Variants in CNTN4 observed in about 807,000 individuals in gnomAD.
CNTN4 encodes the protein contactin-4.
Under a neutral mutation model 122.5 loss-of-function variants are expected in CNTN4, and 77 were observed. That is an observed-to-expected ratio of 0.63 (90% CI 0.52 to 0.76). The LOEUF (loss-of-function observed/expected upper bound fraction) is 0.76, where lower values mean the gene tolerates loss of function less well. Among genes scored for constraint, CNTN4 ranks in the 30% least tolerant of loss-of-function variants. The pLI is 0.00. For synonymous variants in CNTN4, 512 were observed against 447.0 expected, an observed-to-expected ratio of 1.15 and a Z score of -1.83; for missense variants, 1,256 against 1,259.1, an observed-to-expected ratio of 1.00 and a Z score of 0.04.
At chr3:2,517,232 C>T (rs373412467) in intron 3 of CNTN4, among the ~76,000 whole-genome samples, 1 of 152,058 alleles carries the variant, frequency 6.6e-6, no homozygotes, top group African/African-American at 2.4e-5. Flanking sequence ...ATTGTGACAC[C>T]GTAGTCAGTC....
intron 2 of CNTN4, among the ~76,000 whole-genome samples, chr3:2,103,860 T>G (rs1287706431): frequency 6.6e-6 from 1 of 152,218 alleles, no homozygotes; most frequent in African/African-American, 2.4e-5. Flanking sequence ...ATCTTATGTT[T>G]CCTATGTATT....
At chr3:2,533,902 T>C in intron 3 of CNTN4, among the ~76,000 whole-genome samples, 1 of 152,188 alleles carries the variant, frequency 6.6e-6, no homozygotes, top group Non-Finnish European at 1.5e-5. Context: ...GCTGCACAAA[T>C]GTCTTCTTTT....
intron 2 of CNTN4, among the ~76,000 whole-genome samples, chr3:2,179,652 A>T (rs1373321563): frequency 6.6e-6 from 1 of 151,814 alleles, no homozygotes; most frequent in Non-Finnish European, 1.5e-5. Flanking sequence ...TCACTTATTT[A>T]CACTCAGTGT....
At chr3:2,482,810 C>T (rs988039534) in intron 3 of CNTN4, among the ~76,000 whole-genome samples, 1 of 152,316 alleles carries the variant, frequency 6.6e-6, no homozygotes, top group East Asian at 1.9e-4. Flanking sequence ...GTTTGAGAAC[C>T]TCCACTTAGA....
At chr3:2,199,123 G>A (rs1332688832) in intron 2 of CNTN4, among the ~76,000 whole-genome samples, 4 of 152,142 alleles carry the variant, frequency 2.6e-5, no homozygotes, top group African/African-American at 9.7e-5. Context: ...CCCTCACTTG[G>A]CATTATTAAT....
intron 4 of CNTN4, among the ~76,000 whole-genome samples, chr3:2,673,106 G>T (rs1450931879): frequency 2.0e-5 from 3 of 152,142 alleles, no homozygotes; most frequent in Non-Finnish European, 4.4e-5. Flanking sequence ...AATATACAGG[G>T]CAGTGGTAGA....
chr3:2,193,418 C>G (rs921785261), intron 2 of CNTN4, among the ~76,000 whole-genome samples: 31 of 151,816 alleles, frequency 2.0e-4, no homozygotes, highest in Non-Finnish European at 7.4e-5. Flanking sequence ...GGCTCATCAA[C>G]TTTATTCTTC....
intron 3 of CNTN4, among the ~76,000 whole-genome samples, chr3:2,350,288 G>C (rs1685497): frequency 0.35 from 52,419 of 151,754 alleles, 9,219 homozygotes; most frequent in Admixed American, 0.4. Context: ...CCCCAGCAGT[G>C]TTCTTTAAGA....
chr3:2,798,615 T>C (rs1456406220), intron 6 of CNTN4, among the ~76,000 whole-genome samples: 2 of 152,082 alleles, frequency 1.3e-5, no homozygotes, highest in Non-Finnish European at 2.9e-5. Flanking sequence ...ACTCAAGAGA[T>C]CCTCCCACTT....
At chr3:2,458,645 T>G (rs1487783138) in intron 3 of CNTN4, among the ~76,000 whole-genome samples, 3 of 152,104 alleles carry the variant, frequency 2.0e-5, no homozygotes, top group Non-Finnish European at 4.4e-5. Context: ...CCCCACGAAG[T>G]TAGTACCCAT....
intron 6 of CNTN4, among the ~76,000 whole-genome samples, chr3:2,812,036 A>C (rs952822878): frequency 6.6e-6 from 1 of 152,172 alleles, no homozygotes; most frequent in East Asian, 1.9e-4. Flanking sequence ...CAGAAAACGA[A>C]ATACCACATG....
intron 2 of CNTN4, among the ~76,000 whole-genome samples, chr3:2,198,041 A>G (rs1313569057): frequency 6.6e-6 from 1 of 150,692 alleles, no homozygotes; most frequent in East Asian, 2.0e-4. Flanking sequence ...AAAAAAAAAA[A>G]AGGAGAGAAT....
Position 2,559,958 on chromosome 3 carries a change from C to T in CNTN4, c.-88-11458C>T, listed in dbSNP as rs1034825421. Among the ~76,000 whole-genome samples, 7 of 152,030 alleles carry T rather than the reference C, an allele frequency of 4.6e-5. No homozygotes were observed. In the South Asian group the frequency reaches 6.2e-4, roughly 14 times the overall value. ...TGTCTGACATATTGCATGTGTTCAACGAATATTTTCAGATGAATGTTCTAA... is the reference window on the plus strand; with the variant it reads ...TGTCTGACATATTGCATGTGTTCAATGAATATTTTCAGATGAATGTTCTAA... On this transcript the variant is annotated intron_variant, in intron 3 of 24. Transcript: ENST00000418658.
intron 4 of CNTN4, among the ~76,000 whole-genome samples, chr3:2,586,257 TTTTGTTGTTGTTG>T (rs1316873382): frequency 6.6e-6 from 1 of 152,122 alleles, no homozygotes; most frequent in Non-Finnish European, 1.5e-5. Context: ...CATTCTCCAT[TTTTGTTGTTGTTG>T]TTTGTTGTTG....
At chr3:2,716,554 A>G (rs2087509199) in intron 4 of CNTN4, among the ~76,000 whole-genome samples, 1 of 152,124 alleles carries the variant, frequency 6.6e-6, no homozygotes, top group Admixed American at 6.5e-5. Context: ...GGCCCATGGC[A>G]TTTTAAGGAC....
intron 3 of CNTN4, among the ~76,000 whole-genome samples, chr3:2,470,531 C>CT (rs1559582314): frequency 6.6e-6 from 1 of 152,132 alleles, no homozygotes; most frequent in African/African-American, 2.4e-5. Flanking sequence ...GTAGATGTAT[C>CT]TCTTAACTTC....
At chr3:2,484,000 T>G (rs934123910) in intron 3 of CNTN4, among the ~76,000 whole-genome samples, 2 of 152,148 alleles carry the variant, frequency 1.3e-5, no homozygotes, top group African/African-American at 2.4e-5. Flanking sequence ...AAAAAGATAC[T>G]GTCAAGAGAA....
intron 3 of CNTN4, among the ~76,000 whole-genome samples, chr3:2,431,391 A>G (rs954732831): frequency 6.6e-6 from 1 of 152,228 alleles, no homozygotes; most frequent in Non-Finnish European, 1.5e-5. Context: ...GGTAAATGCA[A>G]AGAATAAGTT....
chr3:2,163,203 C>T (rs987660871), intron 2 of CNTN4, among the ~76,000 whole-genome samples: 10 of 152,112 alleles, frequency 6.6e-5, no homozygotes, highest in African/African-American at 2.4e-4. Context: ...AAGCCAAATA[C>T]TCATAGCCAA....
Sources: gnomAD v4.1 joint callset for allele counts (sites outside exome capture counted in the v4.1 genomes callset) on GRCh38, gnomAD v4.1.1 for gene constraint, MANE v1.5 for transcripts, NCBI Gene and HGNC (gene_info 2026-07-23, HGNC 2026-07-21) for gene names.